PRPF19: variants seen among roughly 807,000 people sequenced by gnomAD.
PRPF19 encodes the protein pre-mRNA processing factor 19, also known as pre-mRNA-processing factor 19.
PRPF19 carries 2 observed loss-of-function variants against 64.2 expected under a neutral mutation model. The observed-to-expected ratio is 0.03, with a 90% CI of 0.01 to 0.10. PRPF19 has a LOEUF of 0.10. PRPF19 is among the 10% of genes least tolerant of loss of function. The pLI, the probability that PRPF19 is intolerant of heterozygous loss-of-function variation, is 1.00. For synonymous variants in PRPF19, 226 were observed against 251.6 expected (o/e 0.90, Z 0.96); for missense variants, 314 against 650.0 (o/e 0.48, Z 5.62).
Position 60,902,821 on chromosome 11 carries a change from G to A in PRPF19, c.307C>T (p.Leu103=). The A allele has an allele frequency of 6.2e-7, 1 of 1,614,148 alleles. No homozygotes were observed. The highest frequency in any genetic ancestry group is 1.1e-5 in the South Asian group (1 of 91,080). The part of the protein sequence containing the change: ...RQQLQTTRQE[L]SHALYQHDAA... ...TCGTGCTGGTACAGAGCGTGTGACAGCTCTTGGCGGGTTGTCTGCAGCTGC... is the reference window on the plus strand; with the variant it reads ...TCGTGCTGGTACAGAGCGTGTGACAACTCTTGGCGGGTTGTCTGCAGCTGC... Residue 103 remains leucine, a synonymous_variant, in exon 4 of 16, where the codon CTG becomes TTG. Transcript: ENST00000227524. This position sits in a 1 kb window ranked among gnomAD's most constrained non-coding sequence, Gnocchi z 5.0.
At position 60,891,241 on chromosome 11, in the gene PRPF19, C is replaced by T. The variant is rs1855855726; in HGVS notation, c.1440G>A (p.Gly480=). ...HFTEHSGLTT[G]VAFGHHAKFI... ...ACTTGGCGTGATGCCCGAAGGCCACCCCTGTGGTCAGGCCGCTATGCTCTG... is the reference window on the plus strand; with the variant it reads ...ACTTGGCGTGATGCCCGAAGGCCACTCCTGTGGTCAGGCCGCTATGCTCTG... The change falls in exon 16 of 16, where the codon GGG becomes GGA. Residue 480 remains glycine (G), a synonymous_variant. Transcript: ENST00000227524. 1 of 1,613,744 alleles carries T rather than the reference C, an allele frequency of 6.2e-7. No homozygotes were observed. Among genetic ancestry groups the T allele is most frequent in the South Asian group, 1.1e-5 (1 of 91,058 alleles).
At position 60,895,442 on chromosome 11, in the gene PRPF19, T is replaced by C. The variant is rs557361000; in HGVS notation, c.1417+2404A>G. On this transcript the variant is annotated intron_variant, in intron 15 of 15. Transcript: ENST00000227524. The stretch of plus-strand genomic sequence containing the variant: ...CTCAGCCTTCACAGAATTCAAGAGT[T>C]AGGATCTTGGTCTGGATTATGGTTT... 2.6e-5 allele frequency among the ~76,000 whole-genome samples: 4 copies of C among 152,362 alleles called. No homozygotes were observed. The East Asian group carries it at 5.8e-4, about 22-fold the overall frequency.
chr11:60,898,665 C>A lies in PRPF19; in HGVS notation c.1055-39G>T, dbSNP rs747193150. The stretch of plus-strand genomic sequence containing the variant: ...AAGAGAGACCTGTGGTCAGAGCCCA[C>A]CAGGGAGAGAGACTAAGAGCAGCAA... On this transcript the variant is annotated intron_variant, in intron 12 of 15. Transcript: ENST00000227524. This position sits in a 1 kb window ranked among gnomAD's most constrained non-coding sequence, Gnocchi z 4.6. 3 of 1,613,402 alleles carry A rather than the reference C, an allele frequency of 1.9e-6. No individual in the cohort carries two copies. Among genetic ancestry groups the A allele is most frequent in the Non-Finnish European group, 1.7e-6 (2 of 1,179,676 alleles).
Position 60,890,893 on chromosome 11 carries a change from A to C in PRPF19, c.*273T>G. The C allele has an allele frequency of 1.8e-6, 1 of 565,644 alleles. No individual in the cohort carries two copies. Among genetic ancestry groups the C allele is most frequent in the Non-Finnish European group, 3.4e-6 (1 of 298,470 alleles). The allele number at this position is 565,644 out of a possible 1,614,324, so 35.0% of individuals were successfully genotyped here. A position where few individuals can be genotyped will look rare whatever the true frequency, so the allele number is the denominator to read the frequency against. ...GCCACCACCACGTCCATTGAACGAC[A>C]GGAAGGGAGAGGCCCTGGGCTCCGA... On this transcript the variant is annotated 3_prime_UTR_variant, in exon 16 of 16. Coordinates refer to ENST00000227524, the MANE Select transcript of PRPF19 (RefSeq NM_014502.5).
intron 1 of PRPF19, among the ~76,000 whole-genome samples, chr11:60,904,984 T>C (rs140138208): frequency 5.9e-5 from 9 of 152,332 alleles, no homozygotes; most frequent in African/African-American, 2.2e-4. Flanking sequence ...GTCAACTGAT[T>C]AGCGTACAGA....
intron 15 of PRPF19, among the ~76,000 whole-genome samples, chr11:60,892,045 C>T (rs1362096321): frequency 9.2e-5 from 14 of 152,198 alleles, no homozygotes; most frequent in Admixed American, 8.5e-4. Context: ...CTTAAGTGAG[C>T]ATCAGGCACC....
At position 60,898,016 on chromosome 11, in the gene PRPF19, A is replaced by T. The variant is rs927246057; in HGVS notation, c.1312-65T>A. The stretch of plus-strand genomic sequence containing the variant: ...CAGAAACTATGGGGCAGTTGCGGAT[A>T]AGCAGAAGCAATTAGATTAATTCAA... On this transcript the variant is annotated intron_variant, in intron 14 of 15. Transcript: ENST00000227524. The surrounding 1 kb of genome is among the most constrained non-coding windows in gnomAD (Gnocchi z 4.6). 8.4e-5 allele frequency: 135 copies of T among 1,607,370 alleles called. No individual in the cohort carries two copies. The highest frequency in any genetic ancestry group is 1.1e-4 in the Non-Finnish European group (129 of 1,175,368).
At position 60,900,694 on chromosome 11, in the gene PRPF19, G is replaced by A. The variant is rs1001072871; in HGVS notation, c.719-3C>T. ...AACGACATTTTTATCCGCCCCACCT[G>A]GAGAAGACCCAAAAAGACCAAACAA... On this transcript the variant is annotated splice_polypyrimidine_tract_variant and splice_region_variant and intron_variant, in intron 9 of 15. Transcript: ENST00000227524. 1.3e-6 allele frequency: 2 copies of A among 1,559,610 alleles called. No homozygotes were observed. The highest frequency in any genetic ancestry group is 2.7e-5 in the African/African-American group (2 of 73,600).
chr11:60,893,723 G>A (rs1443753573), intron 15 of PRPF19, among the ~76,000 whole-genome samples: 1 of 152,156 alleles, frequency 6.6e-6, no homozygotes, highest in Non-Finnish European at 1.5e-5. Context: ...GGGAGGCCGA[G>A]GCAGGTGGAT....
At chr11:60,893,209 T>C (rs1855882521) in intron 15 of PRPF19, among the ~76,000 whole-genome samples, 1 of 152,038 alleles carries the variant, frequency 6.6e-6, no homozygotes, top group Non-Finnish European at 1.5e-5. Context: ...AAGTATAATA[T>C]AGCTAGGCGC....
At chr11:60,894,390 G>A (rs1855898261) in intron 15 of PRPF19, among the ~76,000 whole-genome samples, 1 of 152,186 alleles carries the variant, frequency 6.6e-6, no homozygotes, top group Admixed American at 6.5e-5. Context: ...ACCAGTAGAA[G>A]ATTCCATCAA....
chr11:60,895,779 T>C (rs1026270056), intron 15 of PRPF19, among the ~76,000 whole-genome samples: 1 of 152,056 alleles, frequency 6.6e-6, no homozygotes, highest in Non-Finnish European at 1.5e-5. Flanking sequence ...ATACGGTTAT[T>C]AACTGGCCTA....
rs1288944925 is a variant in PRPF19, at chr11:60,891,275, G to A, written c.1418-12C>T. On this transcript the variant is annotated splice_polypyrimidine_tract_variant and intron_variant, in intron 15 of 15. Coordinates refer to ENST00000227524, the MANE Select transcript of PRPF19 (RefSeq NM_014502.5). The stretch of plus-strand genomic sequence containing the variant: ...CAGGCCGCTATGCTCTGAGGAGAAA[G>A]ATAAGAGGCAACTGTGAGAAGGCTT... The A allele has an allele frequency of 2.5e-6, 4 of 1,604,210 alleles. No individual in the cohort carries two copies. Among genetic ancestry groups the A allele is most frequent in the Admixed American group, 1.7e-5 (1 of 59,946 alleles).
rs867683463 is a variant in PRPF19 at position 60,899,247 on chromosome 11, C to T, written c.886G>A (p.Ala296Thr). 1.2e-6 allele frequency: 2 copies of T among 1,613,708 alleles called. No individual in the cohort carries two copies. The highest frequency in any genetic ancestry group is 1.7e-5 in the Admixed American group (1 of 60,006). Residue 296 changes from alanine to threonine, a missense_variant, in exon 11 of 16, where the codon GCC (alanine) becomes ACC (threonine). Ala to Thr is a moderately conservative substitution (Grantham distance 58). Coordinates refer to ENST00000227524, the MANE Select transcript of PRPF19 (RefSeq NM_014502.5). Reference sequence around the variant, plus strand: ...GCCCGAACCACCTGTACACAAGAGGCATTGGGGACCGACCAAATCCTGATA... The same window carrying T: ...GCCCGAACCACCTGTACACAAGAGGTATTGGGGACCGACCAAATCCTGATA... ...ATIRIWSVPNASCVQVVRAHE... is the reference protein window; with the variant it reads ...ATIRIWSVPNTSCVQVVRAHE...
Position 60,900,639 on chromosome 11 carries a change from C to T in PRPF19, c.771G>A (p.Leu257=), listed in dbSNP as rs1210252392. The part of the protein sequence containing the change: ...VVFDKSSEQI[L]ATLKGHTKKV... ...TCTTGGTATGGCCTTTGAGGGTAGC[C>T]AGGATTTGTTCAGAACTTTTGTCAA... The change falls in exon 10 of 16, where the codon CTG becomes CTA. Residue 257 remains leucine (L), a synonymous_variant. Transcript: ENST00000227524. 1 of 1,559,238 alleles carries T rather than the reference C, an allele frequency of 6.4e-7. No homozygotes were observed. Among genetic ancestry groups the T allele is most frequent in the African/African-American group, 1.4e-5 (1 of 73,738 alleles).
intron 15 of PRPF19, among the ~76,000 whole-genome samples, chr11:60,893,367 G>C (rs1158390641): frequency 1.3e-5 from 2 of 151,958 alleles, no homozygotes; most frequent in Non-Finnish European, 2.9e-5. Context: ...AGCCAGATGT[G>C]GTGGCACACG....
rs747084495 is a variant in PRPF19 at position 60,898,267 on chromosome 11, C to A, written c.1145G>T (p.Arg382Leu). The change falls in exon 14 of 16, where the codon CGT becomes CTT. Residue 382 changes from arginine (R) to leucine (L), a missense_variant. Coordinates refer to ENST00000227524, the MANE Select transcript of PRPF19 (RefSeq NM_014502.5). This position sits in a 1 kb window ranked among gnomAD's most constrained non-coding sequence, Gnocchi z 4.6. ...SQIKIWDLKE[R>L]TNVANFPGHS... ...GCCAGGGAAGTTGGCCACATTAGTA[C>A]GTTCCTACAGTGGCGGTGGGTAGTA... 1 of 1,613,412 alleles carries A rather than the reference C, an allele frequency of 6.2e-7. No individual in the cohort carries two copies. The highest frequency in any genetic ancestry group is 2.2e-5 in the East Asian group (1 of 44,876).
In PRPF19 at chr11:60,898,389, G is replaced by T. The variant is rs1855944653; in HGVS notation, c.1141-118C>A. 2 of 1,512,154 alleles carry T rather than the reference G, an allele frequency of 1.3e-6. No homozygotes were observed. The highest frequency in any genetic ancestry group is 1.4e-5 in the African/African-American group (1 of 72,066). The allele number at this position is 1,512,154 out of a possible 1,614,324, so 93.7% of individuals were successfully genotyped here. A position where few individuals can be genotyped will look rare whatever the true frequency, so the allele number is the denominator to read the frequency against. On this transcript the variant is annotated intron_variant, in intron 13 of 15. Coordinates refer to ENST00000227524, the MANE Select transcript of PRPF19 (RefSeq NM_014502.5). This position sits in a 1 kb window ranked among gnomAD's most constrained non-coding sequence, Gnocchi z 4.6. ...CGTCCTTCCAGGAAGGACAGCCAGC[G>T]GGACCCCCCAGACCACACCATCATA... is the stretch of plus-strand genomic sequence containing the variant.
At chr11:60,896,291 T>C (rs1855920040) in intron 15 of PRPF19, among the ~76,000 whole-genome samples, 1 of 152,208 alleles carries the variant, frequency 6.6e-6, no homozygotes, top group African/African-American at 2.4e-5. Flanking sequence ...AAGAAGGCAT[T>C]ATCATCATAG....
Sources: allele counts gnomAD v4.1 joint callset (sites outside exome capture counted in the v4.1 genomes callset), GRCh38; gene constraint gnomAD v4.1.1; non-coding constraint Gnocchi (gnomAD v3.1); transcripts MANE v1.5; gene names NCBI Gene and HGNC (gene_info 2026-07-23, HGNC 2026-07-21).